RPS19: variants seen among roughly 807,000 people sequenced by gnomAD.
RPS19 encodes the protein small ribosomal subunit protein eS19.
Under a neutral mutation model 20.3 loss-of-function variants are expected in RPS19, and 1 was observed. That is an observed-to-expected ratio of 0.05 (90% CI 0.02 to 0.23). The LOEUF (loss-of-function observed/expected upper bound fraction) is 0.23. Ranked by LOEUF, RPS19 falls within the 10% of genes least tolerant of loss-of-function variation. RPS19 has a pLI of 1.00. For synonymous variants in RPS19, 87 were observed against 74.8 expected (o/e 1.16, Z -0.84); for missense variants, 111 against 192.7 (o/e 0.58, Z 2.51).
rs1600625271 is a variant in RPS19, at chr19:41,871,405, C to T, written c.*28C>T. The stretch of plus-strand genomic sequence containing the variant: ...CAAACCATGCTGGGTTAATAAATTG[C>T]CTCATTCGTAATCCTGGTCTGGGTC... On this transcript the variant is annotated 3_prime_UTR_variant, in exon 6 of 6. Coordinates refer to ENST00000598742, the MANE Select transcript of RPS19 (RefSeq NM_001022.4). 2 of 1,607,458 alleles carry T rather than the reference C, an allele frequency of 1.2e-6. No homozygotes were observed. The highest frequency in any genetic ancestry group is 1.7e-6 in the Non-Finnish European group (2 of 1,174,298).
chr19:41,871,854 G>T lies in RPS19; in HGVS notation c.*477G>T, dbSNP rs1466438306. ...TCAGCTGGGCCTGGGCTGCAGAGGTGGCTTCCGCTGGAGTAAAGCAAGAGG... is the reference window on the plus strand; with the variant it reads ...TCAGCTGGGCCTGGGCTGCAGAGGTTGCTTCCGCTGGAGTAAAGCAAGAGG... On this transcript the variant is annotated 3_prime_UTR_variant, in exon 6 of 6. Transcript: ENST00000598742. The T allele has an allele frequency of 5.4e-6, 1 of 184,640 alleles. No homozygotes were observed. The highest frequency in any genetic ancestry group is 2.4e-5 in the African/African-American group (1 of 41,988). The allele number at this position is 184,640 out of a possible 1,614,324, so 11.4% of individuals were successfully genotyped here.
At chr19:41,870,849 C>CTTTTTTTTTTTTTTT (rs35987051) in intron 5 of RPS19, among the ~76,000 whole-genome samples, 24 of 43,964 alleles carry the variant, frequency 5.5e-4, no homozygotes, top group African/African-American at 6.5e-4. Flanking sequence ...CACTCCCTTC[C>CTTTTTTTTTTTTTTT]TTTTTTTTTT....
At chr19:41,861,290 T>A in intron 3 of RPS19, 78 bp downstream of exon 3, 1 of 1,059,348 alleles carries the variant, frequency 9.4e-7, no homozygotes, top group Non-Finnish European at 1.5e-6. Flanking sequence ...CTGTCTCCTC[T>A]GAGCTCTTTC....
At chr19:41,866,878 G>A (rs543960186) in intron 3 of RPS19, among the ~76,000 whole-genome samples, 3 of 152,214 alleles carry the variant, frequency 2.0e-5, no homozygotes, top group African/African-American at 7.2e-5. Context: ...TTAGCCAGGC[G>A]TGGTGGCGGG....
At chr19:41,861,629 G>C (rs782114567) in intron 3 of RPS19, 1 of 308,700 alleles carries the variant, frequency 3.2e-6, no homozygotes, top group South Asian at 2.9e-5. Flanking sequence ...ACCAGTACTA[G>C]AGTATTGCAA....
chr19:41,860,469 C>T lies in RPS19; in HGVS notation c.-1+180C>T, dbSNP rs1242024593. 1.4e-4 allele frequency: 60 copies of T among 434,002 alleles called. No homozygotes were observed. The East Asian group carries it at 2.7e-3, about 20-fold the overall frequency. The allele number at this position is 434,002 out of a possible 1,614,324, so 26.9% of individuals were successfully genotyped here. On this transcript the variant is annotated intron_variant, in intron 1 of 5. Transcript: ENST00000598742. ...CGGTCAGCGCCGTCCGGGAACCGAGCGTGGGCCCCGGGGGGCAGCGGCGGG... is the reference window on the plus strand; with the variant it reads ...CGGTCAGCGCCGTCCGGGAACCGAGTGTGGGCCCCGGGGGGCAGCGGCGGG...
chr19:41,868,984 G>A, intron 3 of RPS19, 47 bp from the exon 4 acceptor site: 1 of 1,579,760 alleles, frequency 6.3e-7, no homozygotes, highest in Non-Finnish European at 8.7e-7. Flanking sequence ...TTGTTTACCT[G>A]AGACCTTGAT....
At chr19:41,860,525 G>A (rs1165044059) in intron 1 of RPS19, 1 of 551,014 alleles carries the variant, frequency 1.8e-6, no homozygotes, top group Admixed American at 3.0e-5. Flanking sequence ...CCCGGGGCTG[G>A]GGAGTGGGGT....
At chr19:41,865,949 T>TA (rs35155067) in intron 3 of RPS19, among the ~76,000 whole-genome samples, 28,876 of 74,362 alleles carry the variant, frequency 0.39, 6,299 homozygotes, top group Non-Finnish European at 0.49. Flanking sequence ...ACTCCGTCTT[T>TA]AAAAAAAAAA....
intron 3 of RPS19, chr19:41,864,148 C>G (rs2074061204): frequency 6.6e-6 from 1 of 152,176 alleles, no homozygotes; most frequent in African/African-American, 2.4e-5. Flanking sequence ...GCTGGACAAG[C>G]CTCTTGCTGT....
At chr19:41,865,895 G>A (rs1375073614) in intron 3 of RPS19, among the ~76,000 whole-genome samples, 29 of 142,734 alleles carry the variant, frequency 2.0e-4, no homozygotes, top group Admixed American at 5.1e-4. Flanking sequence ...CTTGCAGTGA[G>A]CTGAGATCAC....
intron 5 of RPS19, among the ~76,000 whole-genome samples, chr19:41,870,981 G>T (rs1345879151): frequency 1.4e-5 from 2 of 144,840 alleles, no homozygotes; most frequent in African/African-American, 5.1e-5. Context: ...TCCTATCTCA[G>T]CTTCCCGAGT....
chr19:41,860,642 G>GA (rs1555838971), intron 1 of RPS19, 133 bp from the exon 2 acceptor site: 2 of 799,562 alleles, frequency 2.5e-6, no homozygotes, highest in African/African-American at 3.4e-5. Context: ...GCCCGGCGTT[G>GA]AAGGGGCCGT....
Position 41,868,939 on chromosome 19 carries a change from A to G in RPS19, c.173-92A>G. The G allele has an allele frequency of 3.0e-6, 4 of 1,322,560 alleles. No individual in the cohort carries two copies. The South Asian group carries it at 4.8e-5, about 16-fold the overall frequency. The allele number at this position is 1,322,560 out of a possible 1,614,324, so 81.9% of individuals were successfully genotyped here. A position where few individuals can be genotyped will look rare whatever the true frequency, so the allele number is the denominator to read the frequency against. ...GTGTGTTTTCAGTTTCCCTTCTTAT[A>G]AAACAGTGAGAATTAGCTGTTTACA... is the stretch of plus-strand genomic sequence containing the variant. On this transcript the variant is annotated intron_variant, in intron 3 of 5. Coordinates refer to ENST00000598742, the MANE Select transcript of RPS19 (RefSeq NM_001022.4).
intron 3 of RPS19, among the ~76,000 whole-genome samples, chr19:41,868,459 A>C (rs1314274403): frequency 6.6e-6 from 1 of 152,176 alleles, no homozygotes; most frequent in African/African-American, 2.4e-5. Context: ...GAAGCGTGCA[A>C]GCGTTTCTGG....
chr19:41,862,493 C>G (rs2074042368), intron 3 of RPS19, among the ~76,000 whole-genome samples: 1 of 152,118 alleles, frequency 6.6e-6, no homozygotes. Context: ...CACCTGTCCC[C>G]CCATCTTGCT....
intron 4 of RPS19, chr19:41,869,477 G>A (rs1293692660): frequency 6.5e-6 from 4 of 613,432 alleles, no homozygotes; most frequent in African/African-American, 5.6e-5. Flanking sequence ...TGATTTTTCG[G>A]GGCTTTTGAT....
intron 5 of RPS19, among the ~76,000 whole-genome samples, chr19:41,870,356 TC>T (rs1254388006): frequency 3.3e-5 from 5 of 152,104 alleles, no homozygotes; most frequent in African/African-American, 1.2e-4. Context: ...CTGCGATGTT[TC>T]CCCTTAGTCC....
chr19:41,861,314 G>T, intron 3 of RPS19, 102 bp downstream of exon 3: 1 of 840,900 alleles, frequency 1.2e-6, no homozygotes, highest in Non-Finnish European at 2.0e-6. Context: ...CCCCAAGAGG[G>T]AGAGAAACCC....
Sources: allele counts gnomAD v4.1 joint callset (sites outside exome capture counted in the v4.1 genomes callset), GRCh38; gene constraint gnomAD v4.1.1; transcripts MANE v1.5; gene names NCBI Gene and HGNC (gene_info 2026-07-23, HGNC 2026-07-21).